The following C9orf153 variants were observed in gnomAD, a reference collection of about 807,000 sequenced individuals.
C9orf153 encodes chromosome 9 open reading frame 153.
In C9orf153, 10 loss-of-function variants were observed where a neutral mutation model predicts 9.0. The ratio of observed to expected loss-of-function variants is 1.11; its 90% CI spans 0.69 to 1.89. C9orf153 has a LOEUF of 1.89. Among genes scored for constraint, C9orf153 ranks in the 40% most tolerant of loss-of-function variants. The pLI is 0.00. For missense variants in C9orf153, 108 were observed against 111.0 expected (o/e 0.97, Z 0.12); for synonymous variants, 35 against 37.3 (o/e 0.94, Z 0.23).
At chr9:86,253,559 A>T (rs1182337188) in intron 1 of C9orf153, among the ~76,000 whole-genome samples, 1 of 152,252 alleles carries the variant, frequency 6.6e-6, no homozygotes, top group South Asian at 2.1e-4. Flanking sequence ...AAAAGAGCCC[A>T]TATAACCAAC....
chr9:86,231,285 G>C (rs150656862), intron 1 of C9orf153, among the ~76,000 whole-genome samples: 57 of 152,256 alleles, frequency 3.7e-4, no homozygotes, highest in African/African-American at 1.1e-3. Flanking sequence ...TGCATGAATT[G>C]TTATATAGCA....
chr9:86,256,068 C>T (rs1360826230), intron 1 of C9orf153, among the ~76,000 whole-genome samples: 2 of 152,254 alleles, frequency 1.3e-5, no homozygotes, highest in African/African-American at 4.8e-5. Flanking sequence ...GATTCTACAG[C>T]ATTCTGGAAT....
At chr9:86,244,509 C>T (rs1176336663) in intron 1 of C9orf153, among the ~76,000 whole-genome samples, 1 of 152,158 alleles carries the variant, frequency 6.6e-6, no homozygotes, top group Non-Finnish European at 1.5e-5. Context: ...GCACTGAATA[C>T]GGCAGCAGAT....
At chr9:86,232,526 T>C (rs1824494171) in intron 1 of C9orf153, among the ~76,000 whole-genome samples, 1 of 152,132 alleles carries the variant, frequency 6.6e-6, no homozygotes, top group Non-Finnish European at 1.5e-5. Flanking sequence ...CACAGATTCC[T>C]ACAGTAAATT....
At chr9:86,228,584 T>C (rs769006955) in intron 2 of C9orf153, among the ~76,000 whole-genome samples, 15 of 152,126 alleles carry the variant, frequency 9.9e-5, no homozygotes, top group African/African-American at 1.4e-4. Flanking sequence ...TATCTGGGAA[T>C]AGTTATTGGC....
chr9:86,221,396 C>A lies in C9orf153; in HGVS notation c.*292G>T, dbSNP rs188029898. 7.2e-5 allele frequency: 30 copies of A among 419,480 alleles called. No homozygotes were observed. The highest frequency in any genetic ancestry group is 5.6e-4 in the African/African-American group (27 of 48,170). The allele number at this position is 419,480 out of a possible 1,614,324, so 26.0% of individuals were successfully genotyped here. A position where few individuals can be genotyped will look rare whatever the true frequency, so the allele number is the denominator to read the frequency against. On this transcript the variant is annotated 3_prime_UTR_variant, in exon 4 of 4. Transcript: ENST00000339137. ...TACCTTCATGTGTGTTGTACACACT[C>A]ACTTCAGATGTTCTATTGGGTACTT...
intron 1 of C9orf153, among the ~76,000 whole-genome samples, chr9:86,248,075 C>T (rs1824908081): frequency 6.6e-6 from 1 of 152,160 alleles, no homozygotes; most frequent in African/African-American, 2.4e-5. Flanking sequence ...CAGAGATTTC[C>T]ATTTGTCTGC....
intron 1 of C9orf153, among the ~76,000 whole-genome samples, chr9:86,235,995 C>A (rs923007632): frequency 6.6e-6 from 1 of 151,818 alleles, no homozygotes; most frequent in African/African-American, 2.4e-5. Context: ...AATGCATAAA[C>A]CCCCCAAAAC....
chr9:86,225,441 CCTTCCT>C (rs1394964276), intron 3 of C9orf153, among the ~76,000 whole-genome samples: 2 of 59,638 alleles, frequency 3.4e-5, no homozygotes, highest in African/African-American at 9.4e-5. Flanking sequence ...TTCCTTCCTT[CCTTCCT>C]CTCTTTCTCT....
intron 1 of C9orf153, among the ~76,000 whole-genome samples, chr9:86,248,548 AT>A (rs2131202004): frequency 6.6e-6 from 1 of 152,266 alleles, no homozygotes; most frequent in East Asian, 1.9e-4. Flanking sequence ...AAAGGGTCTC[AT>A]TTTTAGAGAA....
Position 86,231,258 on chromosome 9 carries a change from T to G in C9orf153, c.-26-1629A>C, listed in dbSNP as rs529693101. Among the ~76,000 whole-genome samples the G allele has an allele frequency of 1.2e-4, 18 of 152,290 alleles. No individual in the cohort carries two copies. In the East Asian group the frequency reaches 3.3e-3, roughly 28 times the overall value. On this transcript the variant is annotated intron_variant, in intron 1 of 3. Transcript: ENST00000339137. ...TTGACAAAGAGTAAATTATTATTGT[T>G]TCAAACCACTAAGCTTTGCATGAAT... is the stretch of plus-strand genomic sequence containing the variant.
chr9:86,224,049 G>C (rs998067487), intron 3 of C9orf153, among the ~76,000 whole-genome samples: 1 of 152,156 alleles, frequency 6.6e-6, no homozygotes, highest in East Asian at 1.9e-4. Context: ...GAGCTCAGGA[G>C]TTTGAGGCCA....
intron 1 of C9orf153, among the ~76,000 whole-genome samples, chr9:86,232,494 C>T (rs768820363): frequency 1.9e-4 from 29 of 152,074 alleles, no homozygotes; most frequent in Non-Finnish European, 3.5e-4. Context: ...GGGACTGTGG[C>T]ACTTCTCTTC....
chr9:86,245,734 G>T (rs4439207), intron 1 of C9orf153, among the ~76,000 whole-genome samples: 70,376 of 151,908 alleles, frequency 0.46, 16,889 homozygotes, highest in East Asian at 0.83. Flanking sequence ...CTTTTTTACT[G>T]GCCCGCAAAT....
At chr9:86,243,518 T>G (rs1428530806) in intron 1 of C9orf153, among the ~76,000 whole-genome samples, 1 of 149,280 alleles carries the variant, frequency 6.7e-6, no homozygotes, top group Non-Finnish European at 1.5e-5. Flanking sequence ...CAGGCTGGAG[T>G]GCAATGGCGC....
chr9:86,240,718 T>C (rs994138979), intron 1 of C9orf153, among the ~76,000 whole-genome samples: 4 of 144,716 alleles, frequency 2.8e-5, no homozygotes, highest in Non-Finnish European at 3.1e-5. Flanking sequence ...TTTTTTTTTT[T>C]TTTTTTTTGA....
chr9:86,249,556 T>TG (rs1554686189), intron 1 of C9orf153, among the ~76,000 whole-genome samples: 1 of 136,858 alleles, frequency 7.3e-6, no homozygotes, highest in African/African-American at 2.7e-5. Flanking sequence ...ACCTTTTTTT[T>TG]TTTTTTTTTT....
chr9:86,241,967 C>T (rs936025874), intron 1 of C9orf153, among the ~76,000 whole-genome samples: 6 of 152,156 alleles, frequency 3.9e-5, no homozygotes, highest in African/African-American at 1.4e-4. Flanking sequence ...ACTTATAGAA[C>T]ATCATACACA....
chr9:86,254,866 G>A (rs1174712315), intron 1 of C9orf153, among the ~76,000 whole-genome samples: 3 of 152,080 alleles, frequency 2.0e-5, no homozygotes, highest in African/African-American at 7.2e-5. Flanking sequence ...AGACCAGCCA[G>A]CCAGCCTGGC....
Sources: gnomAD v4.1 joint callset for allele counts (sites outside exome capture counted in the v4.1 genomes callset) on GRCh38, gnomAD v4.1.1 for gene constraint, MANE v1.5 for transcripts, NCBI Gene and HGNC (gene_info 2026-07-23, HGNC 2026-07-21) for gene names.